SLC22A24: variants seen among roughly 807,000 people sequenced by gnomAD.
SLC22A24 encodes steroid transmembrane transporter SLC22A24.
Under a neutral mutation model 49.8 loss-of-function variants are expected in SLC22A24, and 53 were observed. That is an observed-to-expected ratio of 1.06 (90% CI 0.85 to 1.34). The LOEUF (loss-of-function observed/expected upper bound fraction) is 1.34, where lower values mean the gene tolerates loss of function less well. Ranked by LOEUF, SLC22A24 falls within the 40% of genes most tolerant of loss-of-function variation. SLC22A24 has a pLI of 0.00. For synonymous variants in SLC22A24, 302 were observed against 256.4 expected, an observed-to-expected ratio of 1.18 and a Z score of -1.70; for missense variants, 786 against 675.9, an observed-to-expected ratio of 1.16 and a Z score of -1.81.
chr11:63,095,896 A>T, intron 6 of SLC22A24, 95 bp downstream of exon 6: 1 of 911,464 alleles, frequency 1.1e-6, no homozygotes, highest in Non-Finnish European at 1.7e-6. Context: ...CTTATGTATT[A>T]AATGTCCTCC....
At chr11:63,091,896 G>T (rs1035476009) in intron 6 of SLC22A24, among the ~76,000 whole-genome samples, 3 of 152,172 alleles carry the variant, frequency 2.0e-5, no homozygotes, top group African/African-American at 7.2e-5. Flanking sequence ...AGTATTGGAA[G>T]TTCTGGCCAA....
chr11:63,105,829 C>T (rs1173411072), intron 4 of SLC22A24, among the ~76,000 whole-genome samples: 1 of 152,112 alleles, frequency 6.6e-6, no homozygotes, highest in African/African-American at 2.4e-5. Flanking sequence ...GCTTGAATTT[C>T]TCCTTAGAAA....
chr11:63,093,472 G>T (rs2087033305), intron 6 of SLC22A24, among the ~76,000 whole-genome samples: 1 of 152,146 alleles, frequency 6.6e-6, no homozygotes, highest in Non-Finnish European at 1.5e-5. Flanking sequence ...ACTAGATAAA[G>T]AAAATGTGGC....
chr11:63,089,003 G>C (rs1260642867), intron 6 of SLC22A24, among the ~76,000 whole-genome samples: 2 of 152,108 alleles, frequency 1.3e-5, no homozygotes, highest in African/African-American at 4.8e-5. Flanking sequence ...ACACACTTCA[G>C]GATATTATCC....
chr11:63,126,859 C>T (rs185958737), intron 2 of SLC22A24, among the ~76,000 whole-genome samples: 7 of 152,206 alleles, frequency 4.6e-5, no homozygotes, highest in African/African-American at 1.7e-4. Flanking sequence ...TTGAAGAGGT[C>T]CATCAGATCC....
At chr11:63,107,680 A>G (rs2087130904) in intron 4 of SLC22A24, among the ~76,000 whole-genome samples, 1 of 151,948 alleles carries the variant, frequency 6.6e-6, no homozygotes, top group Non-Finnish European at 1.5e-5. Flanking sequence ...TAGGTATTTT[A>G]TTCTCTTTGA....
chr11:63,101,516 A>C (rs1343535941), intron 5 of SLC22A24, among the ~76,000 whole-genome samples: 1 of 152,046 alleles, frequency 6.6e-6, no homozygotes, highest in Admixed American at 6.6e-5. Flanking sequence ...TTAGCTTAAT[A>C]TGGATCACTA....
In SLC22A24 at chr11:63,118,953, C is replaced by A; in HGVS notation, c.789G>T (p.Leu263=). ...FAIQDWHILQ[L]TVSTPIIVLF... Reference sequence around the variant, plus strand: ...GGACAATTATGGGTGTAGACACAGTCAGTTGCAATATGTGCCAGTCCTGAA... The same window carrying A: ...GGACAATTATGGGTGTAGACACAGTAAGTTGCAATATGTGCCAGTCCTGAA... The change falls in exon 4 of 10, where the codon CTG becomes CTT. Residue 263 remains leucine (L), a synonymous_variant. Transcript: ENST00000612278. The A allele has an allele frequency of 6.4e-7, 1 of 1,552,022 alleles. No individual in the cohort carries two copies. Among genetic ancestry groups the A allele is most frequent in the South Asian group, 1.2e-5 (1 of 84,054 alleles).
intron 2 of SLC22A24, among the ~76,000 whole-genome samples, chr11:63,119,930 T>A (rs1204866192): frequency 1.3e-5 from 2 of 151,866 alleles, no homozygotes; most frequent in Non-Finnish European, 2.9e-5. Flanking sequence ...TTTTGAGAAG[T>A]GTCTGTTCAT....
chr11:63,113,011 C>CAAAAA (rs869264212), intron 4 of SLC22A24, among the ~76,000 whole-genome samples: 1 of 12,020 alleles, frequency 8.3e-5, no homozygotes, highest in African/African-American at 4.3e-4. Flanking sequence ...GACTCTGTCT[C>CAAAAA]AAAAAAAAAA....
intron 7 of SLC22A24, among the ~76,000 whole-genome samples, chr11:63,082,678 T>C (rs933710780): frequency 1.3e-5 from 2 of 152,234 alleles, no homozygotes; most frequent in Non-Finnish European, 2.9e-5. Context: ...AACTGTACAC[T>C]TCATTTATGG....
chr11:63,131,703 C>T (rs980117212), intron 2 of SLC22A24, among the ~76,000 whole-genome samples: 1 of 152,254 alleles, frequency 6.6e-6, no homozygotes, highest in South Asian at 2.1e-4. Context: ...CTCTGGCTGC[C>T]CTTAATATTT....
intron 9 of SLC22A24, among the ~76,000 whole-genome samples, chr11:63,080,597 A>G (rs529317001): frequency 1.3e-5 from 2 of 152,228 alleles, no homozygotes; most frequent in Non-Finnish European, 2.9e-5. Flanking sequence ...GTCTTAGCAG[A>G]TTTGTGAGAA....
At chr11:63,122,272 G>A (rs117170767) in intron 2 of SLC22A24, among the ~76,000 whole-genome samples, 1,550 of 152,190 alleles carry the variant, frequency 0.01, 14 homozygotes, top group Non-Finnish European at 0.016. Flanking sequence ...AGTCTCACAC[G>A]CTCTTTCATA....
intron 4 of SLC22A24, among the ~76,000 whole-genome samples, chr11:63,110,361 G>A (rs2087154054): frequency 6.6e-6 from 1 of 152,160 alleles, no homozygotes; most frequent in Non-Finnish European, 1.5e-5. Flanking sequence ...GAAGTTTAAA[G>A]TAGTTTTTTC....
chr11:63,095,659 A>G (rs1361658997), intron 6 of SLC22A24, among the ~76,000 whole-genome samples: 1 of 152,196 alleles, frequency 6.6e-6, no homozygotes, highest in East Asian at 1.9e-4. Flanking sequence ...CTAGACAGCC[A>G]GTTGATGTAA....
At chr11:63,105,768 C>A (rs998569442) in intron 4 of SLC22A24, among the ~76,000 whole-genome samples, 1 of 152,056 alleles carries the variant, frequency 6.6e-6, no homozygotes, top group African/African-American at 2.4e-5. Flanking sequence ...TCCTCATTTT[C>A]TTGGTGATTA....
At chr11:63,114,460 C>T (rs533033639) in intron 4 of SLC22A24, among the ~76,000 whole-genome samples, 5 of 152,130 alleles carry the variant, frequency 3.3e-5, no homozygotes, top group East Asian at 3.9e-4. Flanking sequence ...ATCATCTAAT[C>T]GTTTTTCAAG....
rs1277915808 is a variant in SLC22A24 at position 63,109,473 on chromosome 11, A to G, written c.831-5175T>C. On this transcript the variant is annotated intron_variant, in intron 4 of 9. Transcript: ENST00000612278. ...TTTACAGTCCCACCAACAGTGTAAA[A>G]GTGTTCCTATTTCTCCACATCCTCT... 2.8e-5 allele frequency among the ~76,000 whole-genome samples: 4 copies of G among 143,504 alleles called. No individual in the cohort carries two copies. In the East Asian group the frequency reaches 6.5e-4, roughly 23 times the overall value. The allele number at this position is 143,504 out of a possible 152,430, so 94.1% of individuals were successfully genotyped here. A position where few individuals can be genotyped will look rare whatever the true frequency, so the allele number is the denominator to read the frequency against.
Sources: gnomAD v4.1 joint callset for allele counts (sites outside exome capture counted in the v4.1 genomes callset) on GRCh38, gnomAD v4.1.1 for gene constraint, MANE v1.5 for transcripts, NCBI Gene and HGNC (gene_info 2026-07-23, HGNC 2026-07-21) for gene names.